The following LRIG1 variants were observed in gnomAD, a reference collection of about 807,000 sequenced individuals.
LRIG1 encodes leucine-rich repeats and immunoglobulin-like domains protein 1.
In LRIG1, 48 loss-of-function variants were observed where a neutral mutation model predicts 99.2. That is an observed-to-expected ratio of 0.48 (90% CI 0.38 to 0.62). The LOEUF (loss-of-function observed/expected upper bound fraction) is 0.62, where lower values mean the gene tolerates loss of function less well. LRIG1 is among the 20% of genes least tolerant of loss of function. LRIG1 has a pLI of 0.00. For missense variants in LRIG1, 1,646 were observed against 1,434.4 expected, an observed-to-expected ratio of 1.15 and a Z score of -2.38; for synonymous variants, 772 against 596.1, an observed-to-expected ratio of 1.29 and a Z score of -4.30.
chr3:66,407,522 T>C lies in LRIG1; in HGVS notation c.936-31A>G, dbSNP rs377269591. ...GAAAGGGAGGGCAGCAATGTCACCA[T>C]CTAGTGTGGTTGCCCCCCAACCCCA... is the stretch of plus-strand genomic sequence containing the variant. On this transcript the variant is annotated intron_variant, in intron 7 of 18. Coordinates refer to ENST00000273261, the MANE Select transcript of LRIG1 (RefSeq NM_015541.3). 11 of 1,608,426 alleles carry C rather than the reference T, an allele frequency of 6.8e-6. No homozygotes were observed. The East Asian group carries it at 2.2e-4, about 33-fold the overall frequency.
intron 17 of LRIG1, 161 bp from the exon 18 acceptor site, chr3:66,381,022 G>A (rs1701024315): frequency 1.4e-6 from 1 of 695,698 alleles, no homozygotes; most frequent in Non-Finnish European, 2.4e-6. Context: ...CCAGAGAAAG[G>A]ACTGGGCAAA....
intron 3 of LRIG1, among the ~76,000 whole-genome samples, chr3:66,448,349 G>A (rs907058076): frequency 6.6e-6 from 1 of 152,150 alleles, no homozygotes; most frequent in South Asian, 2.1e-4. Context: ...GAAACACAGA[G>A]AGAAAGGGCC....
chr3:66,489,207 C>T (rs1167152135), intron 1 of LRIG1, among the ~76,000 whole-genome samples: 2 of 152,102 alleles, frequency 1.3e-5, no homozygotes, highest in African/African-American at 2.4e-5. Flanking sequence ...CTTATGGTAT[C>T]CATCTGAGAA....
chr3:66,384,808 T>A (rs1205167304), intron 13 of LRIG1, among the ~76,000 whole-genome samples: 1 of 152,168 alleles, frequency 6.6e-6, no homozygotes, highest in Non-Finnish European at 1.5e-5. Context: ...TTCAGCTTGC[T>A]AGCTTGCTCA....
At chr3:66,381,756 GC>G in intron 16 of LRIG1, 125 bp from the exon 17 acceptor site, 1 of 1,065,340 alleles carries the variant, frequency 9.4e-7, no homozygotes, top group East Asian at 2.4e-5. Flanking sequence ...GAGCGGTGGG[GC>G]TGCTGGTCTG....
Position 66,383,339 on chromosome 3 carries a change from G to A in LRIG1, c.2134C>T (p.Leu712Phe), listed in dbSNP as rs200530582. 6.3e-7 allele frequency: 1 copy of A among 1,595,876 alleles called. No individual in the cohort carries two copies. Residue 712 changes from leucine (L) to phenylalanine (F), a missense_variant, in exon 15 of 19, where the codon CTC becomes TTC. Transcript: ENST00000273261. The stretch of plus-strand genomic sequence containing the variant: ...GGGTTCCCCGTGGCTTTGCATTGGA[G>A]GGCCACTGTTTCTCCCACAGATACC... ...RVVSVGETVA[L>F]QCKATGNPPP... is the part of the protein sequence containing the mutation.
At chr3:66,458,288 T>G (rs1209836282) in intron 2 of LRIG1, among the ~76,000 whole-genome samples, 2 of 152,176 alleles carry the variant, frequency 1.3e-5, no homozygotes, top group Non-Finnish European at 2.9e-5. Context: ...GCTAATTTTT[T>G]GTAGAGACAG....
In LRIG1 at chr3:66,380,335, G is replaced by T; in HGVS notation, c.3210C>A (p.Pro1070=). Residue 1070 remains proline (P), a synonymous_variant, in exon 19 of 19, where the codon CCC becomes CCA. Transcript: ENST00000273261. ...GHLPKACDAS[P]ESTPLTGQLP... ...GCTGTCCTGTCAGTGGCGTGGACTC[G>T]GGACTGGCGTCACATGCTTTGGGGA... The T allele has an allele frequency of 2.5e-6, 4 of 1,614,142 alleles. No individual in the cohort carries two copies. The highest frequency in any genetic ancestry group is 3.4e-6 in the Non-Finnish European group (4 of 1,180,024).
chr3:66,384,092 A>T lies in LRIG1; in HGVS notation c.1970T>A (p.Phe657Tyr), dbSNP rs780072004. The change falls in exon 14 of 19, where the codon TTT (phenylalanine) becomes TAT (tyrosine). Residue 657 changes from phenylalanine (F) to tyrosine (Y), a missense_variant. By Grantham distance (22) the Phe-to-Tyr change is conservative. Coordinates refer to ENST00000273261, the MANE Select transcript of LRIG1 (RefSeq NM_015541.3). ...RMHVMPDDDV[F>Y]FITDVKIDDA... ...ATCTATTTTCACATCAGTGATGAAA[A>T]ACACGTCGTCATCCGGCATGACATG... 1 of 1,614,126 alleles carries T rather than the reference A, an allele frequency of 6.2e-7. No homozygotes were observed. Among genetic ancestry groups the T allele is most frequent in the Non-Finnish European group, 8.5e-7 (1 of 1,180,036 alleles).
intron 1 of LRIG1, among the ~76,000 whole-genome samples, chr3:66,499,425 C>G (rs2106947820): frequency 6.6e-6 from 1 of 152,304 alleles, no homozygotes; most frequent in East Asian, 1.9e-4. Flanking sequence ...TGGGCCCCAC[C>G]CCACTGGATC....
chr3:66,406,210 T>C (rs953344988), intron 8 of LRIG1: 120 of 985,326 alleles, frequency 1.2e-4, no homozygotes, highest in Middle Eastern at 5.2e-4. Flanking sequence ...GAAGGTCAAA[T>C]AGTGGAGATT....
At chr3:66,385,049 T>A (rs138039310) in intron 13 of LRIG1, among the ~76,000 whole-genome samples, 1 of 152,310 alleles carries the variant, frequency 6.6e-6, no homozygotes, top group African/African-American at 2.4e-5. Context: ...ATTCTGATGA[T>A]TCTCAAGCCA....
chr3:66,422,865 A>C lies in LRIG1; in HGVS notation c.366-5599T>G, dbSNP rs565549980. On this transcript the variant is annotated intron_variant, in intron 3 of 18. Coordinates refer to ENST00000273261, the MANE Select transcript of LRIG1 (RefSeq NM_015541.3). Reference sequence around the variant, plus strand: ...TTCCACCTGGCTGGAGAGGCCTCACAATCATGGCAGAAGGCGAGGAGGAAC... The same window carrying C: ...TTCCACCTGGCTGGAGAGGCCTCACCATCATGGCAGAAGGCGAGGAGGAAC... 1.4e-3 allele frequency among the ~76,000 whole-genome samples: 213 copies of C among 152,248 alleles called. 2 individuals carry two copies. The highest frequency in any genetic ancestry group is 2.7e-3 in the Non-Finnish European group (181 of 68,050).
intron 2 of LRIG1, among the ~76,000 whole-genome samples, chr3:66,454,611 T>C (rs1470150226): frequency 6.6e-6 from 1 of 152,176 alleles, no homozygotes; most frequent in Non-Finnish European, 1.5e-5. Flanking sequence ...AAACCTTTTC[T>C]GATGATTCAG....
Position 66,399,060 on chromosome 3 carries a change from C to G in LRIG1, c.1161-19G>C, listed in dbSNP as rs779142884. 6.2e-7 allele frequency: 1 copy of G among 1,605,880 alleles called. No individual in the cohort carries two copies. The highest frequency in any genetic ancestry group is 8.5e-7 in the Non-Finnish European group (1 of 1,172,746). ...CAGAGTCCTGTAGTTTCCAAACATC[C>G]AGAAATTAAGGCCAGGGAAGGAAAG... On this transcript the variant is annotated intron_variant, in intron 9 of 18. Transcript: ENST00000273261.
rs762847524 is a variant in LRIG1, at chr3:66,415,001, G to A, written c.566C>T (p.Ser189Leu). The A allele has an allele frequency of 2.5e-6, 4 of 1,612,760 alleles. No individual in the cohort carries two copies. The highest frequency in any genetic ancestry group is 2.2e-5 in the East Asian group (1 of 44,844). The change falls in exon 5 of 19, where the codon TCG becomes TTG. Residue 189 changes from serine to leucine, a missense_variant. By Grantham distance (145) the Ser-to-Leu change is moderately radical. Transcript: ENST00000273261. Reference sequence around the variant, plus strand: ...TTTGCTCAGGCGAAGAGTTAGCAGCGACCGTGACAGACCATCAAATGCTCC... The same window carrying A: ...TTTGCTCAGGCGAAGAGTTAGCAGCAACCGTGACAGACCATCAAATGCTCC... ...ELGAFDGLSR[S>L]LLTLRLSKNR...
Position 66,380,669 on chromosome 3 carries a change from CAGG to C in LRIG1, c.2960_2962del (p.Ser987del). ...GTAGAGCGACCCTTGGCACTCGGGG[CAGG>C]ACCCAGCGGCAGTCCTGCTGCACTG... On this transcript the variant is annotated inframe_deletion, in exon 18 of 19. Coordinates refer to ENST00000273261, the MANE Select transcript of LRIG1 (RefSeq NM_015541.3). 1 of 1,614,224 alleles carries C rather than the reference CAGG, an allele frequency of 6.2e-7. No homozygotes were observed. The highest frequency in any genetic ancestry group is 8.5e-7 in the Non-Finnish European group (1 of 1,180,034).
At chr3:66,442,405 G>C (rs1160954960) in intron 3 of LRIG1, among the ~76,000 whole-genome samples, 1 of 152,192 alleles carries the variant, frequency 6.6e-6, no homozygotes, top group Non-Finnish European at 1.5e-5. Flanking sequence ...AGGCTTCCCA[G>C]TGGTAACTGG....
At chr3:66,488,943 G>A (rs993363757) in intron 1 of LRIG1, among the ~76,000 whole-genome samples, 1 of 152,172 alleles carries the variant, frequency 6.6e-6, no homozygotes, top group Non-Finnish European at 1.5e-5. Context: ...GGGAAAACAT[G>A]CCTGTAATTT....
Sources: allele counts gnomAD v4.1 joint callset (sites outside exome capture counted in the v4.1 genomes callset), GRCh38; gene constraint gnomAD v4.1.1; transcripts MANE v1.5; gene names NCBI Gene and HGNC (gene_info 2026-07-23, HGNC 2026-07-21).